Variants in NOS2 observed in about 807,000 individuals in gnomAD.
NOS2 encodes the protein nitric oxide synthase 2.
NOS2 carries 96 observed loss-of-function variants against 136.0 expected under a neutral mutation model. That is an observed-to-expected ratio of 0.71 (90% confidence interval 0.60 to 0.84). The LOEUF (loss-of-function observed/expected upper bound fraction) is 0.84. NOS2 is among the 40% of genes least tolerant of loss of function. The pLI is 0.00. For missense variants in NOS2, 1,237 were observed against 1,496.9 expected (o/e 0.83, Z 2.87); for synonymous variants, 539 against 587.5 (o/e 0.92, Z 1.20).
At chr17:27,777,798 G>A (rs767247100) in intron 11 of NOS2, among the ~76,000 whole-genome samples, 4 of 152,082 alleles carry the variant, frequency 2.6e-5, no homozygotes, top group Admixed American at 1.3e-4. Flanking sequence ...TAATCCCAGC[G>A]CTTTGGGAGG....
At chr17:27,789,827 T>C in intron 2 of NOS2, 139 bp from the exon 3 acceptor site, 1 of 608,402 alleles carries the variant, frequency 1.6e-6, no homozygotes, top group Non-Finnish European at 3.0e-6. Flanking sequence ...ATGGTCGGTC[T>C]GACCAACTGC....
chr17:27,789,842 C>T (rs1218886613), intron 2 of NOS2, among the ~76,000 whole-genome samples, 154 bp from the exon 3 acceptor site: 2 of 152,216 alleles, frequency 1.3e-5, no homozygotes, highest in Non-Finnish European at 2.9e-5. Flanking sequence ...AACTGCCTCC[C>T]CATCCCCATC....
At chr17:27,766,393 G>A (rs1908303699) in intron 19 of NOS2, 117 bp downstream of exon 19, 8 of 931,898 alleles carry the variant, frequency 8.6e-6, no homozygotes, top group Non-Finnish European at 1.4e-5. Context: ...CAGTGTGGCT[G>A]CTAATGCCAG....
At chr17:27,784,131 G>C (rs1385348446) in intron 5 of NOS2, among the ~76,000 whole-genome samples, 1 of 85,116 alleles carries the variant, frequency 1.2e-5, no homozygotes, top group African/African-American at 4.9e-5. Flanking sequence ...GAAAGGCTTT[G>C]AAACACACAC....
chr17:27,789,052 C>T, intron 3 of NOS2, 121 bp from the exon 4 acceptor site: 1 of 1,350,112 alleles, frequency 7.4e-7, no homozygotes, highest in East Asian at 2.4e-5. Context: ...CTCCACGTCC[C>T]TCCTCTGTTT....
chr17:27,796,591 G>T (rs184113634), intron 2 of NOS2, among the ~76,000 whole-genome samples: 2 of 152,314 alleles, frequency 1.3e-5, no homozygotes, highest in East Asian at 3.9e-4. Context: ...GGTGGGATGG[G>T]CTCTCCATTT....
chr17:27,757,565 T>C (rs1274523164), intron 26 of NOS2, among the ~76,000 whole-genome samples: 1 of 152,204 alleles, frequency 6.6e-6, no homozygotes, highest in Non-Finnish European at 1.5e-5. Context: ...TTACTTAGCA[T>C]ACCCATTTCC....
chr17:27,773,332 C>A, intron 12 of NOS2, 89 bp from the exon 13 acceptor site: 1 of 861,624 alleles, frequency 1.2e-6, no homozygotes, highest in Admixed American at 2.1e-5. Context: ...ACCCTTCACA[C>A]CCATCATGAG....
rs960419068 is a variant in NOS2, at chr17:27,756,910, A to C, written c.*336T>G. ...AACTGTACACAAGGCAGTTAAATAC[A>C]CAGTGGTGCGATAGCACCTCCTGGT... On this transcript the variant is annotated 3_prime_UTR_variant, in exon 27 of 27. Transcript: ENST00000313735. 6.7e-6 allele frequency: 2 copies of C among 296,964 alleles called. No individual in the cohort carries two copies. Among genetic ancestry groups the C allele is most frequent in the Non-Finnish European group, 1.2e-5 (2 of 162,706 alleles). The allele number at this position is 296,964 out of a possible 1,614,324, so 18.4% of individuals were successfully genotyped here.
chr17:27,778,933 T>G lies in NOS2; in HGVS notation c.1128A>C (p.Thr376=), dbSNP rs200897571. The G allele has an allele frequency of 1.2e-6, 2 of 1,611,864 alleles. No homozygotes were observed. Among genetic ancestry groups the G allele is most frequent in the Non-Finnish European group, 1.7e-6 (2 of 1,178,616 alleles). The change falls in exon 10 of 27, where the codon ACA becomes ACC. Residue 376 remains threonine (T), a synonymous_variant. Transcript: ENST00000313735. The part of the protein sequence containing the change: ...GCPFNGWYMG[T]EIGVRDFCDV... ...CACAGAAGTCCCGGACTCCGATCTC[T>G]GTGCCCATGTACCAGCCATTGAAGG...
rs201702258 is a variant in NOS2 at position 27,769,121 on chromosome 17, C to G, written c.1890G>C (p.Met630Ile). 5.0e-6 allele frequency: 8 copies of G among 1,612,082 alleles called. No individual in the cohort carries two copies. Among genetic ancestry groups the G allele is most frequent in the Admixed American group, 1.7e-5 (1 of 59,910 alleles). ...RYAVFGLGSS[M>I]YPRFCAFAHD... ...GAGCAAAGGCGCAGAACCGAGGGTA[C>G]ATGCTGGAGCCGAGGCCAAACACAG... is the stretch of plus-strand genomic sequence containing the variant. The change falls in exon 17 of 27, where the codon ATG (methionine) becomes ATC (isoleucine). Residue 630 changes from methionine (M) to isoleucine (I), a missense_variant. By Grantham distance (10) the Met-to-Ile change is conservative. Coordinates refer to ENST00000313735, the MANE Select transcript of NOS2 (RefSeq NM_000625.4).
At chr17:27,791,606 G>T (rs1322971095) in intron 2 of NOS2, among the ~76,000 whole-genome samples, 1 of 151,878 alleles carries the variant, frequency 6.6e-6, no homozygotes, top group Non-Finnish European at 1.5e-5. Flanking sequence ...TGCTGTATTT[G>T]GATTTGGGCC....
At chr17:27,766,180 C>G (rs745906752) in intron 19 of NOS2, among the ~76,000 whole-genome samples, 2 of 152,222 alleles carry the variant, frequency 1.3e-5, no homozygotes, top group Non-Finnish European at 2.9e-5. Flanking sequence ...TCCCTGCCAA[C>G]ACTTTTCCTG....
At chr17:27,767,457 C>A (rs1908341609) in intron 18 of NOS2, among the ~76,000 whole-genome samples, 1 of 152,274 alleles carries the variant, frequency 6.6e-6, no homozygotes, top group South Asian at 2.1e-4. Flanking sequence ...CGCACAGTGT[C>A]TGACACACAG....
In NOS2 at chr17:27,757,001, T is replaced by G. The variant is rs1354178491; in HGVS notation, c.*245A>C. 5.8e-5 allele frequency: 25 copies of G among 432,224 alleles called. No homozygotes were observed. The highest frequency in any genetic ancestry group is 2.1e-4 in the Admixed American group (5 of 23,460). The allele number at this position is 432,224 out of a possible 1,614,324, so 26.8% of individuals were successfully genotyped here. Reference sequence around the variant, plus strand: ...TCACCCACTTGCCAGGCCTGGCATTTAAGATTTTGTCTCCAAGGGACCAGG... The same window carrying G: ...TCACCCACTTGCCAGGCCTGGCATTGAAGATTTTGTCTCCAAGGGACCAGG... On this transcript the variant is annotated 3_prime_UTR_variant, in exon 27 of 27. Transcript: ENST00000313735.
chr17:27,774,217 T>A (rs1334375900), intron 12 of NOS2, 40 bp downstream of exon 12: 1 of 1,406,888 alleles, frequency 7.1e-7, no homozygotes. Context: ...TACAGCCACA[T>A]CTGAGCCCCC....
chr17:27,763,927 C>G, intron 21 of NOS2, 54 bp downstream of exon 21: 3 of 1,456,054 alleles, frequency 2.1e-6, no homozygotes, highest in Non-Finnish European at 2.8e-6. Flanking sequence ...CTCTGGCTCC[C>G]CACATGCTGG....
rs757569026 is a variant in NOS2, at chr17:27,762,800, C to T, written c.2798G>A (p.Arg933Gln). The change falls in exon 22 of 27, where the codon CGA (arginine) becomes CAA (glutamine). Residue 933 changes from arginine (R) to glutamine (Q), a missense_variant and splice_region_variant. This residue lies in a region of NOS2 where 782 missense variants were observed against 909.9 expected (regional missense o/e 0.86). Coordinates refer to ENST00000313735, the MANE Select transcript of NOS2 (RefSeq NM_000625.4). ...LTVAVVTYHT[R>Q]DGQGPLHHGV... is the part of the protein sequence containing the mutation. ...CAGAGCCTCTGCCCCTGGCTCACCT[C>T]GGGTGTGGTAGGTGACCACGGCCAC... 15 of 1,546,822 alleles carry T rather than the reference C, an allele frequency of 9.7e-6. No homozygotes were observed. Among genetic ancestry groups the T allele is most frequent in the Middle Eastern group, 4.4e-4 (2 of 4,538 alleles).
At chr17:27,785,321 A>G (rs370484130) in intron 5 of NOS2, among the ~76,000 whole-genome samples, 55 of 152,302 alleles carry the variant, frequency 3.6e-4, no homozygotes, top group African/African-American at 1.3e-3. Context: ...CCATCCAGGA[A>G]AATCCCTGGA....
Sources: allele counts gnomAD v4.1 joint callset (sites outside exome capture counted in the v4.1 genomes callset), GRCh38; gene constraint gnomAD v4.1.1; regional missense constraint gnomAD v4.1.1; transcripts MANE v1.5; gene names NCBI Gene and HGNC (gene_info 2026-07-23, HGNC 2026-07-21).